Variants in PCDH9 observed in about 807,000 individuals in gnomAD.
The protein encoded by PCDH9 is protocadherin 9.
In PCDH9, 24 loss-of-function variants were observed where a neutral mutation model predicts 70.6. The ratio of observed to expected loss-of-function variants is 0.34; its 90% CI spans 0.25 to 0.48. The LOEUF (loss-of-function observed/expected upper bound fraction) is 0.48, where lower values mean the gene tolerates loss of function less well. Among genes scored for constraint, PCDH9 ranks in the 20% least tolerant of loss-of-function variants. PCDH9 has a pLI of 0.99. For synonymous variants in PCDH9, 562 were observed against 558.5 expected, an observed-to-expected ratio of 1.01 and a Z score of -0.09; for missense variants, 1,281 against 1,503.6, an observed-to-expected ratio of 0.85 and a Z score of 2.45.
chr13:66,739,033 T>C (rs1285951011), intron 3 of PCDH9, among the ~76,000 whole-genome samples: 1 of 112,044 alleles, frequency 8.9e-6, no homozygotes, highest in Non-Finnish European at 1.9e-5. Context: ...CCAAGACACA[T>C]AATTGTCAGA....
intron 2 of PCDH9, among the ~76,000 whole-genome samples, chr13:66,995,421 TGA>T (rs1325483299): frequency 6.6e-6 from 1 of 152,100 alleles, no homozygotes; most frequent in East Asian, 1.9e-4. Flanking sequence ...GCACCTGCAG[TGA>T]GAGACTCTGC....
At chr13:66,876,942 A>G (rs2081823036) in intron 3 of PCDH9, 1 of 152,116 alleles carries the variant, frequency 6.6e-6, no homozygotes, top group African/African-American at 2.4e-5. Context: ...CAATCTAACT[A>G]TGAAAATAAT....
chr13:66,874,305 A>C (rs2081756812), intron 3 of PCDH9, among the ~76,000 whole-genome samples: 1 of 152,166 alleles, frequency 6.6e-6, no homozygotes, highest in Non-Finnish European at 1.5e-5. Flanking sequence ...GCTAGGTCAA[A>C]GGCATTTTGT....
intron 3 of PCDH9, among the ~76,000 whole-genome samples, chr13:66,669,486 T>G (rs780313184): frequency 1.6e-4 from 25 of 152,154 alleles, no homozygotes; most frequent in Non-Finnish European, 2.9e-4. Context: ...TACAAAACAA[T>G]AAATAATGAA....
At position 67,225,978 on chromosome 13, in the gene PCDH9, G is replaced by A. The variant is rs1435295953; in HGVS notation, c.2463C>T (p.Ala821=). The change falls in exon 2 of 5, where the codon GCC becomes GCT. Residue 821 remains alanine, a synonymous_variant. Transcript: ENST00000377865. ...DYLTIMIAII[A]GAMVVIVVIF... ...TCACAACAATGACCACCATGGCACC[G>A]GCGATGATGGCAATCATGATGGTTA... 2.5e-6 allele frequency: 4 copies of A among 1,613,898 alleles called. No individual in the cohort carries two copies. In the African/African-American group the frequency reaches 4.0e-5, roughly 16 times the overall value.
chr13:66,882,861 T>C (rs192254638), intron 3 of PCDH9, among the ~76,000 whole-genome samples: 3 of 152,156 alleles, frequency 2.0e-5, no homozygotes, highest in African/African-American at 7.2e-5. Flanking sequence ...GCCCACATTA[T>C]CTTAATTGAA....
At chr13:66,498,475 T>C (rs1435209440) in intron 4 of PCDH9, among the ~76,000 whole-genome samples, 1 of 151,840 alleles carries the variant, frequency 6.6e-6, no homozygotes, top group Non-Finnish European at 1.5e-5. Flanking sequence ...GTTGAAAGAA[T>C]ATAGGGAAGA....
At chr13:66,714,335 G>A (rs1158410604) in intron 3 of PCDH9, among the ~76,000 whole-genome samples, 1 of 151,712 alleles carries the variant, frequency 6.6e-6, no homozygotes, top group Non-Finnish European at 1.5e-5. Flanking sequence ...CGTGGTGGCG[G>A]GTGCCTGTAG....
intron 2 of PCDH9, among the ~76,000 whole-genome samples, chr13:66,954,460 A>C (rs1307592136): frequency 1.3e-5 from 2 of 152,080 alleles, no homozygotes; most frequent in Non-Finnish European, 1.5e-5. Context: ...ACAATTTTTT[A>C]CCCTAAACAT....
At chr13:67,179,231 A>G (rs2088551406) in intron 2 of PCDH9, among the ~76,000 whole-genome samples, 1 of 152,010 alleles carries the variant, frequency 6.6e-6, no homozygotes, top group South Asian at 2.1e-4. Flanking sequence ...TCACCTAGTT[A>G]TTGTTCAATG....
chr13:66,654,594 C>T (rs1014306807), intron 3 of PCDH9, among the ~76,000 whole-genome samples: 3 of 152,016 alleles, frequency 2.0e-5, no homozygotes, highest in African/African-American at 4.8e-5. Context: ...TAAATATGTG[C>T]ACCTACTGTG....
chr13:66,643,266 C>G (rs976637333), intron 3 of PCDH9, among the ~76,000 whole-genome samples: 2 of 152,038 alleles, frequency 1.3e-5, no homozygotes, highest in Non-Finnish European at 1.5e-5. Flanking sequence ...CAGCTAGAAT[C>G]AGAGTCCTTA....
At chr13:66,397,687 T>C (rs1957126493) in intron 4 of PCDH9, among the ~76,000 whole-genome samples, 4 of 151,770 alleles carry the variant, frequency 2.6e-5, no homozygotes, top group Admixed American at 2.6e-4. Context: ...TAAATAACTT[T>C]GTGAAACTGT....
chr13:67,127,944 GTT>G (rs1460639999), intron 2 of PCDH9, among the ~76,000 whole-genome samples: 1 of 152,052 alleles, frequency 6.6e-6, no homozygotes, highest in Non-Finnish European at 1.5e-5. Flanking sequence ...TGTACTAGAT[GTT>G]TTGAGATCTC....
intron 2 of PCDH9, among the ~76,000 whole-genome samples, chr13:67,038,312 G>C (rs1421759425): frequency 6.6e-6 from 1 of 152,086 alleles, no homozygotes; most frequent in Non-Finnish European, 1.5e-5. Context: ...AATTAAATTT[G>C]ATCACATTCA....
intron 4 of PCDH9, among the ~76,000 whole-genome samples, chr13:66,488,030 A>C (rs2138525586): frequency 6.6e-6 from 1 of 152,300 alleles, no homozygotes; most frequent in East Asian, 1.9e-4. Flanking sequence ...CTGGTGCCGA[A>C]CCATACACAG....
chr13:66,406,002 C>A (rs1013796149), intron 4 of PCDH9, among the ~76,000 whole-genome samples: 4 of 152,020 alleles, frequency 2.6e-5, no homozygotes, highest in Non-Finnish European at 4.4e-5. Flanking sequence ...TAGTGGTTGG[C>A]TAAAATATGT....
At chr13:66,930,433 G>A (rs1271577820) in intron 2 of PCDH9, among the ~76,000 whole-genome samples, 1 of 152,062 alleles carries the variant, frequency 6.6e-6, no homozygotes, top group African/African-American at 2.4e-5. Context: ...ATGCTGCTTG[G>A]TTTTCCATTT....
At chr13:66,432,113 T>C (rs1380089592) in intron 4 of PCDH9, among the ~76,000 whole-genome samples, 3 of 152,044 alleles carry the variant, frequency 2.0e-5, no homozygotes, top group Non-Finnish European at 2.9e-5. Context: ...TATTTAAACA[T>C]GTACTTCTTG....
Sources: gnomAD v4.1 joint callset for allele counts (sites outside exome capture counted in the v4.1 genomes callset) on GRCh38, gnomAD v4.1.1 for gene constraint, MANE v1.5 for transcripts, NCBI Gene and HGNC (gene_info 2026-07-23, HGNC 2026-07-21) for gene names.